SGCZ: variants seen among roughly 807,000 people sequenced by gnomAD.
SGCZ encodes zeta-sarcoglycan.
SGCZ carries 40 observed loss-of-function variants against 41.3 expected under a neutral mutation model. The observed-to-expected ratio is 0.97, with a 90% CI of 0.75 to 1.26. SGCZ has a LOEUF of 1.26. Ranked by LOEUF, SGCZ falls within the 50% of genes most tolerant of loss-of-function variation. The pLI is 0.00. For missense variants in SGCZ, 552 were observed against 369.8 expected (o/e 1.49, Z -4.04); for synonymous variants, 206 against 137.5 (o/e 1.50, Z -3.49).
intron 1 of SGCZ, among the ~76,000 whole-genome samples, chr8:14,819,062 T>C (rs1345366422): frequency 2.0e-5 from 3 of 151,426 alleles, no homozygotes; most frequent in Non-Finnish European, 4.4e-5. Flanking sequence ...GATCTGTGGA[T>C]AGATTCAACC....
At chr8:14,094,299 C>G (rs145917947) in intron 7 of SGCZ, among the ~76,000 whole-genome samples, 1 of 151,956 alleles carries the variant, frequency 6.6e-6, no homozygotes, top group African/African-American at 2.4e-5. Context: ...CTAGCCCCCC[C>G]ATGCCAGAGA....
chr8:14,969,497 T>C (rs1801225174), intron 1 of SGCZ, among the ~76,000 whole-genome samples: 1 of 152,056 alleles, frequency 6.6e-6, no homozygotes, highest in East Asian at 1.9e-4. Context: ...ATTTTCTCTT[T>C]TTCCTTCTTA....
intron 1 of SGCZ, among the ~76,000 whole-genome samples, chr8:14,919,101 T>C (rs1799518427): frequency 6.6e-6 from 1 of 152,194 alleles, no homozygotes; most frequent in African/African-American, 2.4e-5. Context: ...AAATTATTGA[T>C]AACACTATAT....
At chr8:14,680,563 TCA>T (rs2117538467) in intron 1 of SGCZ, among the ~76,000 whole-genome samples, 1 of 143,540 alleles carries the variant, frequency 7.0e-6, no homozygotes, top group African/African-American at 2.4e-5. Context: ...GCAAGAAATC[TCA>T]CAGATATAAT....
At chr8:14,542,218 C>G (rs1027499159) in intron 2 of SGCZ, among the ~76,000 whole-genome samples, 11 of 151,936 alleles carry the variant, frequency 7.2e-5, no homozygotes, top group African/African-American at 2.4e-4. Context: ...TGCCTGTTTC[C>G]TGAATGGTAT....
chr8:14,393,707 T>C (rs1365559510), intron 2 of SGCZ, among the ~76,000 whole-genome samples: 10 of 152,268 alleles, frequency 6.6e-5, no homozygotes, highest in African/African-American at 2.4e-4. Context: ...CCTGTGCCCA[T>C]GTTCTAAATT....
At chr8:15,158,419 T>C (rs1248712600) in intron 1 of SGCZ, among the ~76,000 whole-genome samples, 9 of 152,224 alleles carry the variant, frequency 5.9e-5, no homozygotes, top group African/African-American at 2.2e-4. Context: ...GCAATAAATA[T>C]AAATCATAGC....
At chr8:14,182,522 T>C (rs1248310055) in intron 4 of SGCZ, among the ~76,000 whole-genome samples, 1 of 152,158 alleles carries the variant, frequency 6.6e-6, no homozygotes, top group Admixed American at 6.5e-5. Context: ...GCTGGACTTG[T>C]CCAACTCATT....
At chr8:14,437,602 AATTTTT>A (rs1369947608) in intron 2 of SGCZ, among the ~76,000 whole-genome samples, 6 of 152,040 alleles carry the variant, frequency 3.9e-5, no homozygotes, top group Non-Finnish European at 8.8e-5. Context: ...TTTCTGTTTT[AATTTTT>A]AATAAATATC....
At chr8:14,470,058 T>A (rs1413620167) in intron 2 of SGCZ, among the ~76,000 whole-genome samples, 1 of 152,094 alleles carries the variant, frequency 6.6e-6, no homozygotes, top group Non-Finnish European at 1.5e-5. Context: ...GACTGATGTC[T>A]GGCATCTGAA....
intron 2 of SGCZ, among the ~76,000 whole-genome samples, chr8:14,528,787 C>CACT (rs1431535826): frequency 2.8e-5 from 4 of 143,340 alleles, no homozygotes; most frequent in Non-Finnish European, 4.5e-5. Context: ...TAATTCCTTG[C>CACT]ACTACTGTCT....
At chr8:14,103,430 G>C (rs1453504537) in intron 6 of SGCZ, among the ~76,000 whole-genome samples, 1 of 152,098 alleles carries the variant, frequency 6.6e-6, no homozygotes, top group Non-Finnish European at 1.5e-5. Flanking sequence ...TTTAAGAGGA[G>C]GGTCCCCTCG....
chr8:14,967,684 A>G (rs1310675251), intron 1 of SGCZ, among the ~76,000 whole-genome samples: 1 of 152,110 alleles, frequency 6.6e-6, no homozygotes, highest in Non-Finnish European at 1.5e-5. Flanking sequence ...ATTTTCCCCT[A>G]AATATCTATT....
chr8:15,123,400 G>A (rs555693132), intron 1 of SGCZ, among the ~76,000 whole-genome samples: 1 of 151,906 alleles, frequency 6.6e-6, no homozygotes, highest in South Asian at 2.1e-4. Flanking sequence ...TATCTTATAT[G>A]CAACACTTTG....
chr8:14,440,880 C>A (rs764207650), intron 2 of SGCZ, among the ~76,000 whole-genome samples: 25 of 151,624 alleles, frequency 1.6e-4, no homozygotes, highest in Non-Finnish European at 3.2e-4. Context: ...CACGCACACA[C>A]ATACATGAGT....
chr8:14,692,080 T>G (rs994816159), intron 1 of SGCZ, among the ~76,000 whole-genome samples: 6 of 152,002 alleles, frequency 3.9e-5, no homozygotes, highest in Non-Finnish European at 7.4e-5. Flanking sequence ...ATTCTACTAT[T>G]TTTAGTCAAG....
chr8:14,568,746 T>C lies in SGCZ; in HGVS notation c.40-13820A>G, dbSNP rs190647754. 5.1e-3 allele frequency among the ~76,000 whole-genome samples: 775 copies of C among 152,302 alleles called. 24 individuals are homozygous for C. Among genetic ancestry groups the C allele is most frequent in the Admixed American group, 0.043 (651 of 15,284 alleles). The stretch of plus-strand genomic sequence containing the variant: ...CAGTTAAAGTTAAATTGATTTTCAT[T>C]ATAACTCAGAAAAGGGAGCAAGCAC... On this transcript the variant is annotated intron_variant, in intron 1 of 7. Coordinates refer to ENST00000382080, the MANE Select transcript of SGCZ (RefSeq NM_139167.4).
chr8:14,428,145 TATATAC>T (rs1418028720), intron 2 of SGCZ, among the ~76,000 whole-genome samples: 13 of 150,050 alleles, frequency 8.7e-5, no homozygotes, highest in Admixed American at 4.7e-4. Flanking sequence ...TATATATATA[TATATAC>T]ACACACACAC....
At chr8:14,542,768 T>C (rs1486494451) in intron 2 of SGCZ, among the ~76,000 whole-genome samples, 1 of 152,076 alleles carries the variant, frequency 6.6e-6, no homozygotes, top group African/African-American at 2.4e-5. Flanking sequence ...TGGGTTGTTA[T>C]CATGGATTTT....
Sources: gnomAD v4.1 joint callset for allele counts (sites outside exome capture counted in the v4.1 genomes callset) on GRCh38, gnomAD v4.1.1 for gene constraint, MANE v1.5 for transcripts, NCBI Gene and HGNC (gene_info 2026-07-23, HGNC 2026-07-21) for gene names.